PSG4: variants seen among roughly 807,000 people sequenced by gnomAD.
PSG4 encodes pregnancy-specific beta-1-glycoprotein 4.
Under a neutral mutation model 44.3 loss-of-function variants are expected in PSG4, and 61 were observed. The ratio of observed to expected loss-of-function variants is 1.38; its 90% CI spans 1.12 to 1.70. The LOEUF (loss-of-function observed/expected upper bound fraction) is 1.70. Ranked by LOEUF, PSG4 falls within the 40% of genes most tolerant of loss-of-function variation. The pLI is 0.00. For synonymous variants in PSG4, 248 were observed against 191.3 expected (o/e 1.30, Z -2.45); for missense variants, 677 against 511.7 (o/e 1.32, Z -3.12).
At position 43,197,922 on chromosome 19, in the gene PSG4, G is replaced by T. The variant is rs1967321959; in HGVS notation, c.709+75C>A. On this transcript the variant is annotated intron_variant, in intron 3 of 5. Transcript: ENST00000405312. ...GGTCTCTGTACTTGGACCTGAGAGGGACTGAGAGGCCTGGCCTCTGGCCAT... is the reference window on the plus strand; with the variant it reads ...GGTCTCTGTACTTGGACCTGAGAGGTACTGAGAGGCCTGGCCTCTGGCCAT... 8.9e-6 allele frequency: 14 copies of T among 1,571,240 alleles called. 1 individual carries two copies. Among genetic ancestry groups the T allele is most frequent in the South Asian group, 1.1e-5 (1 of 88,798 alleles).
At position 43,204,228 on chromosome 19, in the gene PSG4, G is replaced by T. The variant is rs1967654988; in HGVS notation, c.88C>A (p.Pro30Thr). ...ATCGTGACTTGGGCAGTTGTGGGCG[G>T]ATTCCAGAAGTTTAAAAGTGATGCT... ...LTASLLNFWN[P>T]PTTAQVTIEA... The change falls in exon 2 of 6, where the codon CCG (proline) becomes ACG (threonine). Residue 30 changes from proline (P) to threonine (T), a missense_variant. By Grantham distance (38) the Pro-to-Thr change is conservative (BLOSUM62 -1). Coordinates refer to ENST00000405312, the MANE Select transcript of PSG4 (RefSeq NM_002780.5). The T allele has an allele frequency of 1.3e-6, 2 of 1,578,648 alleles. No homozygotes were observed. Among genetic ancestry groups the T allele is most frequent in the Middle Eastern group, 1.7e-4 (1 of 5,930 alleles).
Position 43,204,017 on chromosome 19 carries a change from CTT to C in PSG4, c.297_298del (p.Arg100SerfsTer70), listed in dbSNP as rs751825986. 8 of 1,587,750 alleles carry C rather than the reference CTT, an allele frequency of 5.0e-6. 1 individual carries two copies. Among genetic ancestry groups the C allele is most frequent in the Middle Eastern group, 1.7e-4 (1 of 5,990 alleles). On this transcript the variant is annotated frameshift_variant, in exon 2 of 6. Transcript: ENST00000405312. LOFTEE classifies it high-confidence loss of function. ...CAGCAGGGATGCATTGGAATATACTCTTTCTCTTCCACTGTATGCAGGCCCAT... is the reference window on the plus strand; with the variant it reads ...CAGCAGGGATGCATTGGAATATACTCTCTCTTCCACTGTATGCAGGCCCAT...
chr19:43,195,148 T>C lies in PSG4; in HGVS notation c.835A>G (p.Ser279Gly), dbSNP rs1213001995. The change falls in exon 4 of 6, where the codon AGC becomes GGC. Residue 279 changes from serine to glycine, a missense_variant. Ser to Gly is a moderately conservative substitution (Grantham distance 56, BLOSUM62 0). Coordinates refer to ENST00000405312, the MANE Select transcript of PSG4 (RefSeq NM_002780.5). ...YTYIWWLNGQ[S>G]LPVSPRVKRP... is the part of the protein sequence containing the mutation. ...TTTACCCTGGGACTGACAGGGAGGC[T>C]CTGACCATTTAGCCACCAAATGTAG... 1.7e-5 allele frequency: 28 copies of C among 1,610,344 alleles called. No homozygotes were observed. Among genetic ancestry groups the C allele is most frequent in the Non-Finnish European group, 2.3e-5 (27 of 1,179,042 alleles).
At chr19:43,205,264 T>G (rs1967729434) in intron 1 of PSG4, among the ~76,000 whole-genome samples, 1 of 143,088 alleles carries the variant, frequency 7.0e-6, no homozygotes, top group Non-Finnish European at 1.5e-5. Context: ...CACACCACTA[T>G]ACCTGGTTAA....
chr19:43,196,083 A>G (rs1410424740), intron 3 of PSG4, among the ~76,000 whole-genome samples: 3 of 151,656 alleles, frequency 2.0e-5, no homozygotes, highest in Non-Finnish European at 2.9e-5. Context: ...ACATATGGAC[A>G]TTTGCAAAAG....
chr19:43,197,412 A>G lies in PSG4; in HGVS notation c.709+585T>C, dbSNP rs1257495674. Among the ~76,000 whole-genome samples, 7 of 145,474 alleles carry G rather than the reference A, an allele frequency of 4.8e-5. 1 individual carries two copies. The highest frequency in any genetic ancestry group is 1.1e-4 in the African/African-American group (4 of 37,916). On this transcript the variant is annotated intron_variant, in intron 3 of 5. Coordinates refer to ENST00000405312, the MANE Select transcript of PSG4 (RefSeq NM_002780.5). ...CTGAGTTATGGATGAAACAGACCTAAACCCCTCTATATGTTTTAGTGATTT... is the reference window on the plus strand; with the variant it reads ...CTGAGTTATGGATGAAACAGACCTAGACCCCTCTATATGTTTTAGTGATTT...
chr19:43,194,406 C>T lies in PSG4; in HGVS notation c.1177G>A (p.Ala393Thr). Reference sequence around the variant, plus strand: ...GTGGCTGAGTTACGAACAGAGCAAGCATAGAGCCCACTATGCTTTGTAGTT... The same window carrying T: ...GTGGCTGAGTTACGAACAGAGCAAGTATAGAGCCCACTATGCTTTGTAGTT... ...QITTKHSGLY[A>T]CSVRNSATGK... Residue 393 changes from alanine to threonine, a missense_variant, in exon 5 of 6, where the codon GCT becomes ACT. Ala to Thr is a moderately conservative substitution (Grantham distance 58). Coordinates refer to ENST00000405312, the MANE Select transcript of PSG4 (RefSeq NM_002780.5). 3.1e-6 allele frequency: 5 copies of T among 1,612,438 alleles called. No homozygotes were observed. The highest frequency in any genetic ancestry group is 4.2e-6 in the Non-Finnish European group (5 of 1,179,124).
At position 43,203,860 on chromosome 19, in the gene PSG4, C is replaced by T. The variant is rs374593578; in HGVS notation, c.430+26G>A. 3.6e-5 allele frequency: 56 copies of T among 1,571,260 alleles called. 1 individual carries two copies. Among genetic ancestry groups the T allele is most frequent in the Non-Finnish European group, 4.6e-5 (54 of 1,164,130 alleles). ...TAGAAGTGACCCCTGTCCCCCAACA[C>T]CCAGGGATCATGTGGAATCACTCAC... On this transcript the variant is annotated intron_variant, in intron 2 of 5. Coordinates refer to ENST00000405312, the MANE Select transcript of PSG4 (RefSeq NM_002780.5).
intron 5 of PSG4, chr19:43,194,134 G>T (rs550968018): frequency 2.1e-6 from 3 of 1,424,860 alleles, no homozygotes; most frequent in African/African-American, 1.4e-5. Context: ...GCTTGGTCTA[G>T]GCTGGGAATT....
Position 43,198,029 on chromosome 19 carries a change from C to A in PSG4, c.677G>T (p.Ser226Ile). The A allele has an allele frequency of 6.3e-7, 1 of 1,587,776 alleles. No individual in the cohort carries two copies. The highest frequency in any genetic ancestry group is 1.1e-5 in the South Asian group (1 of 89,924). ...ECEIRNPVSA[S>I]RSDPVTLNLL... ...ATTCAGGGTGACTGGGTCACTGCGG[C>A]TGGCACTCACTGGGTTCCGTATTTC... The change falls in exon 3 of 6, where the codon AGC becomes ATC. Residue 226 changes from serine to isoleucine, a missense_variant. Coordinates refer to ENST00000405312, the MANE Select transcript of PSG4 (RefSeq NM_002780.5).
rs368065533 is a variant in PSG4, at chr19:43,202,327, A to T, written c.430+1559T>A. 4.4e-3 allele frequency among the ~76,000 whole-genome samples: 610 copies of T among 139,584 alleles called. 47 individuals are homozygous for T. The highest frequency in any genetic ancestry group is 0.017 in the African/African-American group (592 of 35,064). 91.6% of individuals were successfully genotyped at this position (139,584 alleles called of 152,430 possible). On this transcript the variant is annotated intron_variant, in intron 2 of 5. Transcript: ENST00000405312. ...TCCACAGTCCAGGACCAAGGAGCCC[A>T]GAGAACCCTCTGGTGGCCAAAGAGC...
At position 43,202,477 on chromosome 19, in the gene PSG4, C is replaced by A. The variant is rs377042110; in HGVS notation, c.430+1409G>T. Among the ~76,000 whole-genome samples, 9 of 144,704 alleles carry A rather than the reference C, an allele frequency of 6.2e-5. 1 individual carries two copies. The highest frequency in any genetic ancestry group is 8.9e-5 in the Non-Finnish European group (6 of 67,080). The allele number at this position is 144,704 out of a possible 152,430, so 94.9% of individuals were successfully genotyped here. A position where few individuals can be genotyped will look rare whatever the true frequency, so the allele number is the denominator to read the frequency against. On this transcript the variant is annotated intron_variant, in intron 2 of 5. Transcript: ENST00000405312. The stretch of plus-strand genomic sequence containing the variant: ...GAACCTCCTATGATTCTGCATCCAA[C>A]ATCCAGTCTCTAAAGAGGTTTTGGA...
Position 43,205,431 on chromosome 19 carries a change from T to C in PSG4, c.64+42A>G, listed in dbSNP as rs375427181. 44 of 1,501,504 alleles carry C rather than the reference T, an allele frequency of 2.9e-5. 3 individuals are homozygous for C. Among genetic ancestry groups the C allele is most frequent in the Middle Eastern group, 1.8e-4 (1 of 5,672 alleles). 93.0% of individuals were successfully genotyped at this position (1,501,504 alleles called of 1,614,324 possible). ...TCCAGGAGACCCCATCCAGTCACTC[T>C]GCTTCCTCCTCCTGTCCTCTCCCAG... On this transcript the variant is annotated intron_variant, in intron 1 of 5. Coordinates refer to ENST00000405312, the MANE Select transcript of PSG4 (RefSeq NM_002780.5).
intron 2 of PSG4, among the ~76,000 whole-genome samples, chr19:43,199,900 G>T (rs10414051): frequency 0.65 from 93,059 of 143,744 alleles, 33,695 homozygotes; most frequent in East Asian, 0.89. Flanking sequence ...AAAGGTGATT[G>T]GAAATTAGCA....
chr19:43,195,798 A>T (rs1445590635), intron 3 of PSG4, among the ~76,000 whole-genome samples: 2 of 150,426 alleles, frequency 1.3e-5, no homozygotes, highest in African/African-American at 2.5e-5. Context: ...CAGAAATAAC[A>T]CAGGAGAGAC....
chr19:43,199,017 C>G (rs1187438287), intron 2 of PSG4: 2 of 146,262 alleles, frequency 1.4e-5, no homozygotes, highest in East Asian at 4.7e-4. Context: ...CCATGATGCT[C>G]GCTTCCCCCT....
In PSG4 at chr19:43,204,250, T is replaced by C. The variant is rs1451081541; in HGVS notation, c.66A>G (p.Ala22=). Residue 22 remains alanine (A), a splice_region_variant and synonymous_variant, in exon 2 of 6, where the codon GCA becomes GCG. Coordinates refer to ENST00000405312, the MANE Select transcript of PSG4 (RefSeq NM_002780.5). ...RITWKGVLLT[A]SLLNFWNPPT... ...GCGGATTCCAGAAGTTTAAAAGTGA[T>C]GCTAGGAGGTACAGAGAGCATCAGT... 3.2e-6 allele frequency: 5 copies of C among 1,571,208 alleles called. No individual in the cohort carries two copies. Among genetic ancestry groups the C allele is most frequent in the Non-Finnish European group, 4.3e-6 (5 of 1,163,026 alleles).
chr19:43,197,514 G>C (rs1407698925), intron 3 of PSG4, among the ~76,000 whole-genome samples: 1 of 142,328 alleles, frequency 7.0e-6, no homozygotes, highest in African/African-American at 2.8e-5. Flanking sequence ...GTGGGTGAGA[G>C]TCTGTGAGGC....
chr19:43,194,871 C>G, intron 4 of PSG4, 124 bp downstream of exon 4: 1 of 1,529,626 alleles, frequency 6.5e-7, no homozygotes, highest in Non-Finnish European at 8.8e-7. Context: ...GGAGTCATGG[C>G]CACCTCGGAT....
Sources: allele counts gnomAD v4.1 joint callset (sites outside exome capture counted in the v4.1 genomes callset), GRCh38; gene constraint gnomAD v4.1.1; transcripts MANE v1.5; gene names NCBI Gene and HGNC (gene_info 2026-07-23, HGNC 2026-07-21).